VPS13D: variants seen among roughly 807,000 people sequenced by gnomAD.
VPS13D encodes vacuolar protein sorting 13 homolog D.
Under a neutral mutation model 461.9 loss-of-function variants are expected in VPS13D, and 187 were observed. The ratio of observed to expected loss-of-function variants is 0.40; its 90% CI spans 0.36 to 0.46. The LOEUF (loss-of-function observed/expected upper bound fraction) is 0.46, where lower values mean the gene tolerates loss of function less well. Ranked by LOEUF, VPS13D falls within the 20% of genes least tolerant of loss-of-function variation. The pLI is 0.60. For missense variants in VPS13D, 4,711 were observed against 5,364.9 expected (o/e 0.88, Z 3.81); for synonymous variants, 1,951 against 1,986.3 (o/e 0.98, Z 0.47).
At chr1:12,481,179 C>G (rs937472741) in intron 67 of VPS13D, among the ~76,000 whole-genome samples, 4 of 152,222 alleles carry the variant, frequency 2.6e-5, no homozygotes, top group Admixed American at 2.0e-4. Flanking sequence ...GCTGCACCTG[C>G]TTTTCCCAGA....
intron 65 of VPS13D, among the ~76,000 whole-genome samples, chr1:12,444,601 A>G (rs1389104068): frequency 6.6e-6 from 1 of 151,394 alleles, no homozygotes; most frequent in African/African-American, 2.4e-5. Flanking sequence ...TTTCATCTGG[A>G]TATTTTTTAC....
intron 65 of VPS13D, among the ~76,000 whole-genome samples, chr1:12,450,078 G>T (rs1296490390): frequency 1.3e-5 from 2 of 152,028 alleles, no homozygotes; most frequent in Non-Finnish European, 1.5e-5. Context: ...AGCTGTGATC[G>T]CACCACTGCA....
intron 29 of VPS13D, among the ~76,000 whole-genome samples, chr1:12,313,391 T>G (rs1485473808): frequency 7.4e-6 from 1 of 135,684 alleles, no homozygotes; most frequent in African/African-American, 2.7e-5. Flanking sequence ...CACTGCAACC[T>G]CCACATCCCT....
chr1:12,270,856 G>A (rs996449522), intron 16 of VPS13D, 138 bp from the exon 17 acceptor site: 213 of 1,136,512 alleles, frequency 1.9e-4, no homozygotes, highest in Non-Finnish European at 2.8e-5. Context: ...CTGGGATTAC[G>A]AGTGTGAGCC....
At chr1:12,263,266 AC>A (rs1641170890) in intron 13 of VPS13D, among the ~76,000 whole-genome samples, 1 of 152,132 alleles carries the variant, frequency 6.6e-6, no homozygotes, top group African/African-American at 2.4e-5. Flanking sequence ...AGCATGAAAA[AC>A]ATGGCGCCAA....
At chr1:12,508,857 C>G in intron 69 of VPS13D, 36 bp from the exon 70 acceptor site, 1 of 1,605,340 alleles carries the variant, frequency 6.2e-7, no homozygotes. Flanking sequence ...TTTCCCCATC[C>G]TGGGGACAGG....
intron 67 of VPS13D, among the ~76,000 whole-genome samples, chr1:12,488,328 C>G (rs78712519): frequency 6.6e-6 from 1 of 152,146 alleles, no homozygotes; most frequent in Non-Finnish European, 1.5e-5. Context: ...CATTATCAAC[C>G]AAGTAGGTAT....
At chr1:12,410,551 C>T (rs1167637281) in intron 63 of VPS13D, among the ~76,000 whole-genome samples, 1 of 152,080 alleles carries the variant, frequency 6.6e-6, no homozygotes, top group Non-Finnish European at 1.5e-5. Flanking sequence ...AAAACAAACA[C>T]TAGAAACAGA....
chr1:12,292,330 C>G (rs1243505138), intron 23 of VPS13D, among the ~76,000 whole-genome samples: 2 of 147,514 alleles, frequency 1.4e-5, no homozygotes, highest in Non-Finnish European at 3.0e-5. Flanking sequence ...GGTTTTCAAC[C>G]CTTTTTTTTT....
At chr1:12,286,038 CTCCCT>C (rs1487667563) in intron 21 of VPS13D, among the ~76,000 whole-genome samples, 1 of 142,838 alleles carries the variant, frequency 7.0e-6, no homozygotes, top group Non-Finnish European at 1.5e-5. Context: ...CTCCCCTCCC[CTCCCT>C]TCCCTTCCTT....
chr1:12,381,922 TTTTC>T (rs35247625), intron 57 of VPS13D, among the ~76,000 whole-genome samples: 5,333 of 100,320 alleles, frequency 0.053, 147 homozygotes, highest in East Asian at 0.12. Flanking sequence ...CTTTCTTTTC[TTTTC>T]TTTCTTTCTT....
chr1:12,436,772 A>G (rs11121907), intron 65 of VPS13D, among the ~76,000 whole-genome samples: 2,581 of 152,100 alleles, frequency 0.017, 68 homozygotes, highest in African/African-American at 0.058. Context: ...AGATTCAAGC[A>G]ATTCTCCTGC....
At chr1:12,370,487 A>G (rs1373974626) in intron 54 of VPS13D, among the ~76,000 whole-genome samples, 1 of 152,130 alleles carries the variant, frequency 6.6e-6, no homozygotes, top group Non-Finnish European at 1.5e-5. Flanking sequence ...TATGAATAAG[A>G]TTTTTATACA....
chr1:12,493,740 G>T (rs1645920006), intron 67 of VPS13D, among the ~76,000 whole-genome samples: 1 of 152,248 alleles, frequency 6.6e-6, no homozygotes, highest in African/African-American at 2.4e-5. Context: ...TGGCTTACGA[G>T]GTTTGAAAAC....
intron 26 of VPS13D, among the ~76,000 whole-genome samples, chr1:12,306,084 C>T (rs987869716): frequency 3.3e-5 from 5 of 151,698 alleles, no homozygotes; most frequent in African/African-American, 9.7e-5. Flanking sequence ...CCCGGGTTCA[C>T]GCCATTCTCC....
intron 24 of VPS13D, among the ~76,000 whole-genome samples, chr1:12,295,981 TCCC>T (rs1642264830): frequency 6.6e-6 from 1 of 152,224 alleles, no homozygotes; most frequent in African/African-American, 2.4e-5. Flanking sequence ...GACTTGCTTT[TCCC>T]CCCATTTAGT....
At position 12,423,742 on chromosome 1, in the gene VPS13D, T is replaced by C. The variant is rs539729755; in HGVS notation, c.12333+6915T>C. Among the ~76,000 whole-genome samples, 32 of 152,338 alleles carry C rather than the reference T, an allele frequency of 2.1e-4. No individual in the cohort carries two copies. The South Asian group carries it at 6.6e-3, about 32-fold the overall frequency. ...TGCACAGAGACTCTCAGCCAGCCCC[T>C]GCCATCAGCCAGCCTTCTATCATAT... On this transcript the variant is annotated intron_variant, in intron 65 of 69. Coordinates refer to ENST00000620676, the MANE Select transcript of VPS13D (RefSeq NM_015378.4).
chr1:12,477,425 G>A (rs1645647016), intron 67 of VPS13D, among the ~76,000 whole-genome samples: 1 of 152,190 alleles, frequency 6.6e-6, no homozygotes, highest in African/African-American at 2.4e-5. Flanking sequence ...TAGACTCACA[G>A]TTAATCACTT....
chr1:12,417,232 T>C (rs968139093), intron 65 of VPS13D, among the ~76,000 whole-genome samples: 1 of 152,228 alleles, frequency 6.6e-6, no homozygotes, highest in African/African-American at 2.4e-5. Flanking sequence ...CAAGCTGAAG[T>C]ACAGCCTTCT....
Sources: gnomAD v4.1 joint callset for allele counts (sites outside exome capture counted in the v4.1 genomes callset) on GRCh38, gnomAD v4.1.1 for gene constraint, MANE v1.5 for transcripts, NCBI Gene and HGNC (gene_info 2026-07-23, HGNC 2026-07-21) for gene names.